Variants in ST6GALNAC3 observed in about 807,000 individuals in gnomAD.
The protein encoded by ST6GALNAC3 is ST6 N-acetylgalactosaminide alpha-2,6-sialyltransferase 3, also known as alpha-N-acetylgalactosaminide alpha-2,6-sialyltransferase 3.
ST6GALNAC3 carries 25 observed loss-of-function variants against 32.7 expected under a neutral mutation model. That is an observed-to-expected ratio of 0.76 (90% CI 0.56 to 1.07). The LOEUF is 1.07. Ranked by LOEUF, ST6GALNAC3 falls within the 50% of genes least tolerant of loss-of-function variation. ST6GALNAC3 has a pLI of 0.00. For missense variants in ST6GALNAC3, 355 were observed against 382.4 expected (o/e 0.93, Z 0.60); for synonymous variants, 129 against 133.1 (o/e 0.97, Z 0.21).
At chr1:76,183,738 T>G (rs1570348985) in intron 1 of ST6GALNAC3, among the ~76,000 whole-genome samples, 2 of 151,722 alleles carry the variant, frequency 1.3e-5, no homozygotes, top group East Asian at 3.9e-4. Flanking sequence ...GGTAAGTATT[T>G]GTGTATCTAA....
At chr1:76,441,353 T>A (rs1656590492) in intron 3 of ST6GALNAC3, among the ~76,000 whole-genome samples, 1 of 152,182 alleles carries the variant, frequency 6.6e-6, no homozygotes, top group Non-Finnish European at 1.5e-5. Context: ...ATTATTGTCT[T>A]CATTTTACAA....
intron 3 of ST6GALNAC3, among the ~76,000 whole-genome samples, chr1:76,580,777 A>T (rs1570355509): frequency 6.6e-6 from 1 of 152,156 alleles, no homozygotes; most frequent in East Asian, 1.9e-4. Flanking sequence ...GAAACAGAAC[A>T]ATCTTAGCTG....
At chr1:76,224,371 AG>A (rs1655951198) in intron 1 of ST6GALNAC3, among the ~76,000 whole-genome samples, 1 of 152,228 alleles carries the variant, frequency 6.6e-6, no homozygotes. Flanking sequence ...ACTGGCCCAG[AG>A]TAAATGCTCA....
Position 76,321,958 on chromosome 1 carries a change from C to G in ST6GALNAC3, c.213+7959C>G, listed in dbSNP as rs1301045430. Among the ~76,000 whole-genome samples, 4 of 152,042 alleles carry G rather than the reference C, an allele frequency of 2.6e-5. No individual in the cohort carries two copies. In the East Asian group the frequency reaches 7.7e-4, roughly 29 times the overall value. On this transcript the variant is annotated intron_variant, in intron 2 of 4. Coordinates refer to ENST00000328299, the MANE Select transcript of ST6GALNAC3 (RefSeq NM_152996.4). Reference sequence around the variant, plus strand: ...ATCACATTTTTTATTGATGAAAAATCCATTATTATCATAGGTTTTAATGTA... The same window carrying G: ...ATCACATTTTTTATTGATGAAAAATGCATTATTATCATAGGTTTTAATGTA...
chr1:76,462,585 T>G (rs1658355046), intron 3 of ST6GALNAC3, among the ~76,000 whole-genome samples: 1 of 152,082 alleles, frequency 6.6e-6, no homozygotes. Flanking sequence ...GCATGGCACA[T>G]AGAAAGACAC....
At chr1:76,323,181 A>G (rs189654533) in intron 2 of ST6GALNAC3, among the ~76,000 whole-genome samples, 2 of 152,206 alleles carry the variant, frequency 1.3e-5, no homozygotes, top group Non-Finnish European at 2.9e-5. Context: ...CCTGTGTCAA[A>G]CACAGACTAT....
intron 2 of ST6GALNAC3, among the ~76,000 whole-genome samples, chr1:76,366,058 A>C (rs566902403): frequency 2.0e-5 from 3 of 152,192 alleles, no homozygotes; most frequent in Admixed American, 6.5e-5. Context: ...TTTACTTTAG[A>C]TGATTTCTTT....
intron 2 of ST6GALNAC3, among the ~76,000 whole-genome samples, chr1:76,347,985 C>A (rs1648658558): frequency 1.3e-5 from 2 of 152,146 alleles, no homozygotes; most frequent in African/African-American, 2.4e-5. Context: ...CTTTGCAATT[C>A]TATTGTGAAT....
At position 76,585,563 on chromosome 1, in the gene ST6GALNAC3, G is replaced by C. The variant is rs1390551630; in HGVS notation, c.624-41889G>C. ...CATAGTTGGACACACTGGGTGGAAG[G>C]GCAAACACAGAGTAGATGCACAGTT... On this transcript the variant is annotated intron_variant, in intron 3 of 4. Coordinates refer to ENST00000328299, the MANE Select transcript of ST6GALNAC3 (RefSeq NM_152996.4). 2.0e-5 allele frequency among the ~76,000 whole-genome samples: 3 copies of C among 152,008 alleles called. No homozygotes were observed. In the East Asian group the frequency reaches 5.8e-4, roughly 29 times the overall value.
intron 3 of ST6GALNAC3, among the ~76,000 whole-genome samples, chr1:76,575,658 A>G (rs1338798579): frequency 6.6e-6 from 1 of 152,030 alleles, no homozygotes; most frequent in Non-Finnish European, 1.5e-5. Context: ...ATTTTACAGG[A>G]GCAACATACT....
intron 1 of ST6GALNAC3, among the ~76,000 whole-genome samples, chr1:76,203,907 T>A (rs1570423614): frequency 6.6e-6 from 1 of 152,368 alleles, no homozygotes; most frequent in Admixed American, 6.5e-5. Flanking sequence ...ATCTTCTAGC[T>A]ATTTTGAAAT....
chr1:76,569,524 G>A (rs1166198115), intron 3 of ST6GALNAC3, among the ~76,000 whole-genome samples: 2 of 152,142 alleles, frequency 1.3e-5, no homozygotes, highest in Non-Finnish European at 2.9e-5. Flanking sequence ...ATAAAATCAT[G>A]TTAATACTGG....
At chr1:76,251,364 G>C (rs1657605904) in intron 1 of ST6GALNAC3, among the ~76,000 whole-genome samples, 2 of 151,988 alleles carry the variant, frequency 1.3e-5, no homozygotes, top group African/African-American at 4.8e-5. Flanking sequence ...ACTTTATCCT[G>C]CCAGTTCTTT....
rs575590786 is a variant in ST6GALNAC3, at chr1:76,311,633, G to T, written c.19-2172G>T. ...ACTCATCCTTTTTTATGGCTGTGTA[G>T]TATTCCATAATGTGTATGTGCCACA... On this transcript the variant is annotated intron_variant, in intron 1 of 4. Coordinates refer to ENST00000328299, the MANE Select transcript of ST6GALNAC3 (RefSeq NM_152996.4). Among the ~76,000 whole-genome samples, 5 of 152,254 alleles carry T rather than the reference G, an allele frequency of 3.3e-5. No homozygotes were observed. In the South Asian group the frequency reaches 1.0e-3, roughly 32 times the overall value.
intron 2 of ST6GALNAC3, among the ~76,000 whole-genome samples, chr1:76,369,851 G>T (rs1427903130): frequency 6.6e-6 from 1 of 152,106 alleles, no homozygotes; most frequent in African/African-American, 2.4e-5. Flanking sequence ...CCAAATTCAA[G>T]ATATTCTGAG....
intron 1 of ST6GALNAC3, among the ~76,000 whole-genome samples, chr1:76,261,352 T>A (rs369092104): frequency 3.9e-5 from 6 of 152,218 alleles, no homozygotes; most frequent in African/African-American, 4.8e-5. Context: ...TTGTTGTCAG[T>A]TAAGTAAATT....
chr1:76,194,866 G>C (rs1557687403), intron 1 of ST6GALNAC3, among the ~76,000 whole-genome samples: 1 of 152,162 alleles, frequency 6.6e-6, no homozygotes, highest in Non-Finnish European at 1.5e-5. Flanking sequence ...TTCATATTCT[G>C]TTACTTTGAA....
At chr1:76,471,015 G>A (rs536114634) in intron 3 of ST6GALNAC3, among the ~76,000 whole-genome samples, 44 of 152,170 alleles carry the variant, frequency 2.9e-4, no homozygotes, top group Admixed American at 1.0e-3. Flanking sequence ...ATACCCTGTG[G>A]TCAATTTTTC....
At chr1:76,405,587 A>ATGTG (rs749170623) in intron 2 of ST6GALNAC3, among the ~76,000 whole-genome samples, 4 of 136,228 alleles carry the variant, frequency 2.9e-5, no homozygotes, top group African/African-American at 1.2e-4. Context: ...AAGGTAACAG[A>ATGTG]TGTGTGTGTG....
Sources: allele counts gnomAD v4.1 joint callset (sites outside exome capture counted in the v4.1 genomes callset), GRCh38; gene constraint gnomAD v4.1.1; transcripts MANE v1.5; gene names NCBI Gene and HGNC (gene_info 2026-07-23, HGNC 2026-07-21).